Variants in MIPOL1 observed in about 807,000 individuals in gnomAD.
MIPOL1 encodes the protein mirror-image polydactyly 1.
In MIPOL1, 57 loss-of-function variants were observed where a neutral mutation model predicts 60.9. The ratio of observed to expected loss-of-function variants is 0.94; its 90% CI spans 0.76 to 1.17. MIPOL1 has a LOEUF of 1.17. MIPOL1 is among the 50% of genes most tolerant of loss of function. The pLI is 0.00. For missense variants in MIPOL1, 551 were observed against 511.6 expected, an observed-to-expected ratio of 1.08 and a Z score of -0.74; for synonymous variants, 179 against 168.8, an observed-to-expected ratio of 1.06 and a Z score of -0.47.
chr14:37,409,411 A>G (rs2093644687), intron 10 of MIPOL1, among the ~76,000 whole-genome samples: 1 of 152,194 alleles, frequency 6.6e-6, no homozygotes, highest in Non-Finnish European at 1.5e-5. Context: ...AAAAGTTGCA[A>G]GTTCTTACAA....
intron 6 of MIPOL1, among the ~76,000 whole-genome samples, chr14:37,275,033 TATTTA>T (rs2083549647): frequency 6.6e-6 from 1 of 151,288 alleles, no homozygotes; most frequent in Non-Finnish European, 1.5e-5. Flanking sequence ...TTTTATTTAT[TATTTA>T]ATTTGATCCT....
chr14:37,526,671 G>A (rs1408870182), intron 12 of MIPOL1, among the ~76,000 whole-genome samples: 1 of 151,522 alleles, frequency 6.6e-6, no homozygotes, highest in East Asian at 1.9e-4. Context: ...GAGAGCCACC[G>A]CACCTGGCCT....
chr14:37,294,578 G>C (rs568146196), intron 7 of MIPOL1, among the ~76,000 whole-genome samples: 2 of 152,086 alleles, frequency 1.3e-5, no homozygotes, highest in African/African-American at 4.8e-5. Context: ...TAGACGAATG[G>C]ATAACTAGAA....
intron 12 of MIPOL1, among the ~76,000 whole-genome samples, chr14:37,519,517 A>G (rs2095396460): frequency 6.6e-6 from 1 of 151,884 alleles, no homozygotes; most frequent in African/African-American, 2.4e-5. Flanking sequence ...TTGTTTTGTG[A>G]TTTTAAAACT....
chr14:37,258,014 AT>A (rs1170297564), intron 3 of MIPOL1, among the ~76,000 whole-genome samples: 1 of 152,078 alleles, frequency 6.6e-6, no homozygotes, highest in Non-Finnish European at 1.5e-5. Flanking sequence ...TGTAATGGTT[AT>A]TGTTAACTCC....
At chr14:37,357,883 A>C (rs2091953270) in intron 9 of MIPOL1, among the ~76,000 whole-genome samples, 1 of 151,918 alleles carries the variant, frequency 6.6e-6, no homozygotes, top group South Asian at 2.1e-4. Flanking sequence ...GTACATGTGC[A>C]CAATGTGCAG....
At chr14:37,539,726 G>C (rs2095522234) in intron 12 of MIPOL1, among the ~76,000 whole-genome samples, 1 of 152,104 alleles carries the variant, frequency 6.6e-6, no homozygotes, top group African/African-American at 2.4e-5. Flanking sequence ...TGATTTAAAG[G>C]GTAGGTGTAT....
Position 37,486,968 on chromosome 14 carries a change from G to A in MIPOL1, c.1032-12940G>A, listed in dbSNP as rs188931280. 1.3e-3 allele frequency among the ~76,000 whole-genome samples: 195 copies of A among 152,180 alleles called. 1 individual carries two copies. The highest frequency in any genetic ancestry group is 4.4e-3 in the African/African-American group (181 of 41,532). On this transcript the variant is annotated intron_variant, in intron 11 of 12. Transcript: ENST00000684589. ...CCCATTCAGTATGATATTGACTGTG[G>A]GTTTGTCATGAATAGCTTTTACTAT...
intron 11 of MIPOL1, among the ~76,000 whole-genome samples, chr14:37,468,537 T>C (rs1427442011): frequency 6.6e-6 from 1 of 152,210 alleles, no homozygotes; most frequent in Non-Finnish European, 1.5e-5. Flanking sequence ...CCATACCTTA[T>C]CTTCTGCAGG....
intron 12 of MIPOL1, among the ~76,000 whole-genome samples, chr14:37,543,373 T>G (rs1008675281): frequency 1.3e-5 from 2 of 152,138 alleles, no homozygotes; most frequent in Admixed American, 6.5e-5. Context: ...CCTCCCAGGT[T>G]CAAGCAGTTC....
intron 6 of MIPOL1, among the ~76,000 whole-genome samples, chr14:37,271,725 G>A (rs1950887): frequency 0.99 from 150,223 of 151,810 alleles, 74,350 homozygotes; most frequent in Middle Eastern, 1. Context: ...TTATAATCAT[G>A]TATAAATATA....
At chr14:37,490,493 G>C (rs1196429016) in intron 11 of MIPOL1, among the ~76,000 whole-genome samples, 2 of 151,984 alleles carry the variant, frequency 1.3e-5, no homozygotes, top group Non-Finnish European at 2.9e-5. Flanking sequence ...GTGCCACCGG[G>C]GTATAGAAAA....
At chr14:37,454,988 A>G (rs1307780956) in intron 11 of MIPOL1, among the ~76,000 whole-genome samples, 1 of 152,164 alleles carries the variant, frequency 6.6e-6, no homozygotes, top group Non-Finnish European at 1.5e-5. Context: ...AACTGCCTCT[A>G]CATACTCCTC....
At chr14:37,417,820 A>T (rs990266738) in intron 10 of MIPOL1, among the ~76,000 whole-genome samples, 3 of 152,168 alleles carry the variant, frequency 2.0e-5, no homozygotes, top group African/African-American at 7.2e-5. Flanking sequence ...CACATATTAA[A>T]TTATACCATA....
intron 11 of MIPOL1, among the ~76,000 whole-genome samples, chr14:37,474,363 C>T (rs924359511): frequency 2.0e-5 from 3 of 152,130 alleles, no homozygotes; most frequent in Non-Finnish European, 4.4e-5. Flanking sequence ...CCCGTAATCC[C>T]CATGTGTCGT....
At chr14:37,518,889 C>G (rs1446393737) in intron 12 of MIPOL1, among the ~76,000 whole-genome samples, 1 of 150,974 alleles carries the variant, frequency 6.6e-6, no homozygotes, top group Non-Finnish European at 1.5e-5. Context: ...AAGGTTCCCA[C>G]TGACCAAATT....
rs2093267071 is a variant in MIPOL1 at position 37,392,271 on chromosome 14, T to TA, written c.936+22648dup. Among the ~76,000 whole-genome samples the TA allele has an allele frequency of 3.3e-5, 5 of 152,238 alleles. No homozygotes were observed. In the East Asian group the frequency reaches 7.7e-4, roughly 24 times the overall value. ...AATAAACATTCTGTAGTTTTGAACA[T>TA]ATGGATTTTGCACATTTGTTGCATT... On this transcript the variant is annotated intron_variant, in intron 10 of 12. Transcript: ENST00000684589.
intron 9 of MIPOL1, among the ~76,000 whole-genome samples, chr14:37,368,522 TC>T (rs2092547661): frequency 6.6e-6 from 1 of 152,110 alleles, no homozygotes; most frequent in African/African-American, 2.4e-5. Context: ...TATCCATTTG[TC>T]AAATAATCTA....
intron 1 of MIPOL1, among the ~76,000 whole-genome samples, chr14:37,201,047 C>A (rs1162574800): frequency 1.3e-5 from 2 of 151,570 alleles, no homozygotes; most frequent in African/African-American, 4.8e-5. Flanking sequence ...GGGTTACAGG[C>A]ACACACCAAC....
Sources: allele counts gnomAD v4.1 joint callset (sites outside exome capture counted in the v4.1 genomes callset), GRCh38; gene constraint gnomAD v4.1.1; transcripts MANE v1.5; gene names NCBI Gene and HGNC (gene_info 2026-07-23, HGNC 2026-07-21).